Variants in MATCAP2 observed in about 807,000 individuals in gnomAD.
MATCAP2 encodes putative tyrosine carboxypeptidase MATCAP2.
chr7:36,374,460 T>C, the MATCAP2 span, among the ~76,000 whole-genome samples: 34 of 152,200 alleles, frequency 2.2e-4, no homozygotes, highest in African/African-American at 8.0e-4. Context: ...TGAGGAGATT[T>C]AATAATATCT....
At chr7:36,356,148 G>A in the MATCAP2 span, 5 of 152,044 alleles carry the variant, frequency 3.3e-5, no homozygotes, top group African/African-American at 7.2e-5. Context: ...ACTACTTACC[G>A]GAGCCTAAGC....
At chr7:36,349,402 T>C in the MATCAP2 span, among the ~76,000 whole-genome samples, 2 of 152,216 alleles carry the variant, frequency 1.3e-5, no homozygotes, top group African/African-American at 4.8e-5. Flanking sequence ...CAAAATATTA[T>C]ATTCTACCTA....
chr7:36,390,277 T>G, the MATCAP2 span: 1 of 645,522 alleles, frequency 1.5e-6, no homozygotes, highest in Non-Finnish European at 2.6e-6. Flanking sequence ...AGGCTTTGAG[T>G]CTGTCCTAAA....
the MATCAP2 span, among the ~76,000 whole-genome samples, chr7:36,378,836 C>T: frequency 1.3e-5 from 2 of 152,340 alleles, no homozygotes; most frequent in African/African-American, 2.4e-5. Context: ...CAGGCTGCTG[C>T]CTCACAGTTC....
At chr7:36,386,447 A>ATGTGTGTGTG in the MATCAP2 span, among the ~76,000 whole-genome samples, 13,411 of 148,468 alleles carry the variant, frequency 0.09, 643 homozygotes, top group Middle Eastern at 0.12. Flanking sequence ...GTATGTGTGT[A>ATGTGTGTGTG]TGTGTGTGTG....
At chr7:36,380,484 C>G in the MATCAP2 span, among the ~76,000 whole-genome samples, 4 of 152,122 alleles carry the variant, frequency 2.6e-5, no homozygotes, top group Non-Finnish European at 5.9e-5. Flanking sequence ...GAAAACAGAA[C>G]AGTTAGAGAT....
chr7:36,334,298 A>C, the MATCAP2 span: 2 of 657,126 alleles, frequency 3.0e-6, no homozygotes, highest in Non-Finnish European at 5.2e-6. Flanking sequence ...GCACTTTGGA[A>C]GGCCGAGGCA....
the MATCAP2 span, among the ~76,000 whole-genome samples, chr7:36,385,787 A>AAAAATAAAATAAAAT: frequency 0.028 from 3,354 of 119,352 alleles, 87 homozygotes; most frequent in East Asian, 0.053. Flanking sequence ...CCCTATTTCA[A>AAAAATAAAATAAAAT]AAAATAAAAT....
At chr7:36,357,132 T>G in the MATCAP2 span, 1 of 1,614,164 alleles carries the variant, frequency 6.2e-7, no homozygotes. Flanking sequence ...TTTGGAAGAG[T>G]GGAGAAATGG....
chr7:36,325,783 T>C, the MATCAP2 span: 1 of 152,134 alleles, frequency 6.6e-6, no homozygotes, highest in Non-Finnish European at 1.5e-5. Context: ...AAGTCAAAGA[T>C]TTGATAAAAT....
At chr7:36,337,098 C>CAGAAAAAAAAAAAAA in the MATCAP2 span, among the ~76,000 whole-genome samples, 1 of 18,522 alleles carries the variant, frequency 5.4e-5, no homozygotes, top group Non-Finnish European at 8.3e-5. Flanking sequence ...AACTCCATCT[C>CAGAAAAAAAAAAAAA]AAAAAAAAAA....
chr7:36,328,248 G>GC, the MATCAP2 span, among the ~76,000 whole-genome samples: 5 of 120,004 alleles, frequency 4.2e-5, 1 homozygote, highest in African/African-American at 1.2e-4. Flanking sequence ...GTAGGGGGGG[G>GC]GGGTCTTGCT....
At chr7:36,332,711 T>C in the MATCAP2 span, among the ~76,000 whole-genome samples, 1 of 152,232 alleles carries the variant, frequency 6.6e-6, no homozygotes, top group African/African-American at 2.4e-5. Context: ...TTGGATCACC[T>C]GAAGTCAGGA....
the MATCAP2 span, among the ~76,000 whole-genome samples, chr7:36,383,309 C>T: frequency 6.6e-6 from 1 of 152,128 alleles, no homozygotes; most frequent in Admixed American, 6.5e-5. Flanking sequence ...AATACCATTA[C>T]TGGGTATATA....
chr7:36,337,874 T>G, the MATCAP2 span: 6 of 152,200 alleles, frequency 3.9e-5, no homozygotes, highest in South Asian at 6.2e-4. Flanking sequence ...GCATGGTGTC[T>G]GTGACATAAT....
chr7:36,326,782 C>G, the MATCAP2 span: 2 of 1,613,310 alleles, frequency 1.2e-6, no homozygotes, highest in South Asian at 2.2e-5. Flanking sequence ...TTTCAGTTCC[C>G]TGTCAGTCAG....
the MATCAP2 span, chr7:36,389,845 G>C: frequency 8.7e-7 from 1 of 1,143,198 alleles, no homozygotes; most frequent in Non-Finnish European, 1.2e-6. Context: ...ATTCAAATTT[G>C]AACGGCTGCA....
At chr7:36,384,049 A>C in the MATCAP2 span, 3 of 359,920 alleles carry the variant, frequency 8.3e-6, no homozygotes, top group African/African-American at 6.4e-5. Context: ...TATAAAATAT[A>C]AAATACAAAT....
chr7:36,329,708 A>G, the MATCAP2 span, among the ~76,000 whole-genome samples: 1 of 152,210 alleles, frequency 6.6e-6, no homozygotes, highest in African/African-American at 2.4e-5. Context: ...CACCAGTGTA[A>G]TTGATTTGGG....
Sources: gnomAD v4.1 joint callset for allele counts (sites outside exome capture counted in the v4.1 genomes callset) on GRCh38, gnomAD v4.1.1 for gene constraint, MANE v1.5 for transcripts, NCBI Gene and HGNC (gene_info 2026-07-23, HGNC 2026-07-21) for gene names.